Variants in RYR3 observed in about 807,000 individuals in gnomAD.
RYR3 encodes the protein brain ryanodine receptor-calcium release channel.
In RYR3, 207 loss-of-function variants were observed where a neutral mutation model predicts 584.3. That is an observed-to-expected ratio of 0.35 (90% CI 0.32 to 0.40). RYR3 has a LOEUF of 0.40. Among genes scored for constraint, RYR3 ranks in the 10% least tolerant of loss-of-function variants. RYR3 has a pLI of 1.00. For synonymous variants in RYR3, 2,416 were observed against 2,248.5 expected, an observed-to-expected ratio of 1.07 and a Z score of -2.11; for missense variants, 5,616 against 6,089.2, an observed-to-expected ratio of 0.92 and a Z score of 2.59.
rs1262972889 is a variant in RYR3 at position 33,635,749 on chromosome 15, C to T, written c.3311C>T (p.Ala1104Val). ...GGAGGAGACATGCGAGTCGGCTGGG[C>T]GAGGCCAGGCTGTCGACCTGATGTC... is the stretch of plus-strand genomic sequence containing the variant. Reference protein sequence around the residue: ...VTGGDMRVGWARPGCRPDVEL... With the variant: ...VTGGDMRVGWVRPGCRPDVEL... Residue 1104 changes from alanine to valine, a missense_variant, in exon 26 of 104, where the codon GCG (alanine) becomes GTG (valine). Physicochemically the swap from Ala to Val is moderately conservative, Grantham distance 64. Around this residue, in one of 9 missense-constraint regions of RYR3, gnomAD observed 152 missense variants for 200.9 expected, o/e 0.76. Coordinates refer to ENST00000634891, the MANE Select transcript of RYR3 (RefSeq NM_001036.6). The T allele has an allele frequency of 1.9e-6, 3 of 1,613,626 alleles. No individual in the cohort carries two copies. The highest frequency in any genetic ancestry group is 2.2e-5 in the East Asian group (1 of 44,872).
intron 45 of RYR3, among the ~76,000 whole-genome samples, chr15:33,725,675 A>G (rs1420616591): frequency 6.6e-6 from 1 of 151,972 alleles, no homozygotes; most frequent in African/African-American, 2.4e-5. Flanking sequence ...ACAGATTTCT[A>G]GAGGCCAGGC....
In RYR3 at chr15:33,639,472, T is replaced by G. The variant is rs963524712; in HGVS notation, c.3556+2922T>G. ...GCATCTCTCTTCTCTCTGTGTCAAG[T>G]GGAAAGAGGTAGCAATTCTTGCCTT... On this transcript the variant is annotated intron_variant, in intron 27 of 103. Transcript: ENST00000634891. Among the ~76,000 whole-genome samples, 10 of 152,284 alleles carry G rather than the reference T, an allele frequency of 6.6e-5. No homozygotes were observed. In the Middle Eastern group the frequency reaches 0.014, roughly 207 times the overall value.
At chr15:33,731,365 C>A (rs752208716) in intron 47 of RYR3, 109 bp from the exon 48 acceptor site, 6 of 713,838 alleles carry the variant, frequency 8.4e-6, no homozygotes, top group East Asian at 5.4e-5. Context: ...TGCTATGCAA[C>A]GTGGACATAT....
chr15:33,543,819 AGTCC>A, intron 8 of RYR3, 104 bp downstream of exon 8: 2 of 811,372 alleles, frequency 2.5e-6, no homozygotes, highest in Non-Finnish European at 4.2e-6. Context: ...TGTACATGTC[AGTCC>A]ATTGACAAAC....
At chr15:33,548,832 C>T (rs944947453) in intron 9 of RYR3, among the ~76,000 whole-genome samples, 6 of 152,132 alleles carry the variant, frequency 3.9e-5, no homozygotes, top group Admixed American at 3.9e-4. Context: ...AGAGGATTTG[C>T]AAGTTAGGCT....
chr15:33,678,601 G>T (rs911310820), intron 38 of RYR3, among the ~76,000 whole-genome samples: 1 of 152,232 alleles, frequency 6.6e-6, no homozygotes, highest in Non-Finnish European at 1.5e-5. Context: ...GGATGTTCTA[G>T]AAGGCAGTTT....
chr15:33,824,341 T>C (rs2077265729), intron 81 of RYR3, among the ~76,000 whole-genome samples: 1 of 152,174 alleles, frequency 6.6e-6, no homozygotes, highest in Non-Finnish European at 1.5e-5. Flanking sequence ...ATAAGAACAA[T>C]ATATGTTTTT....
Position 33,720,002 on chromosome 15 carries a change from T to G in RYR3, c.6620-2713T>G, listed in dbSNP as rs180716583. 1.8e-4 allele frequency among the ~76,000 whole-genome samples: 27 copies of G among 152,332 alleles called. No individual in the cohort carries two copies. The Middle Eastern group carries it at 0.01, about 58-fold the overall frequency. On this transcript the variant is annotated intron_variant, in intron 43 of 103. Transcript: ENST00000634891. ...TAAAAACTGATTGTTTTTTAGTGTGTGATACATTGGATAGAACTTGAAGAC... is the reference window on the plus strand; with the variant it reads ...TAAAAACTGATTGTTTTTTAGTGTGGGATACATTGGATAGAACTTGAAGAC...
intron 18 of RYR3, 115 bp downstream of exon 18, chr15:33,603,479 A>T: frequency 1.8e-6 from 2 of 1,113,706 alleles, no homozygotes; most frequent in Non-Finnish European, 2.6e-6. Flanking sequence ...AAGAGTCTCA[A>T]CTAATTAAAC....
intron 1 of RYR3, among the ~76,000 whole-genome samples, chr15:33,399,478 A>G (rs546679428): frequency 6.6e-6 from 1 of 152,218 alleles, no homozygotes; most frequent in East Asian, 1.9e-4. Flanking sequence ...GTCTCTATTA[A>G]GATACAAAAA....
chr15:33,834,787 A>G (rs1193758649), intron 86 of RYR3, among the ~76,000 whole-genome samples, 181 bp from the exon 87 acceptor site: 1 of 152,254 alleles, frequency 6.6e-6, no homozygotes, highest in African/African-American at 2.4e-5. Context: ...TTTCCTAGAT[A>G]TGGTATCCTA....
At chr15:33,799,411 A>C (rs1182587344) in intron 67 of RYR3, among the ~76,000 whole-genome samples, 1 of 151,770 alleles carries the variant, frequency 6.6e-6, no homozygotes, top group Non-Finnish European at 1.5e-5. Context: ...CAGGGGTTTC[A>C]CCAATCATGC....
chr15:33,502,356 C>CT (rs199820733), intron 2 of RYR3, among the ~76,000 whole-genome samples: 1,780 of 152,262 alleles, frequency 0.012, 10 homozygotes, highest in South Asian at 0.031. Context: ...TAGTAACAGA[C>CT]TTGGTTTAGC....
At chr15:33,522,428 A>G (rs1428652729) in intron 3 of RYR3, among the ~76,000 whole-genome samples, 1 of 152,042 alleles carries the variant, frequency 6.6e-6, no homozygotes, top group Non-Finnish European at 1.5e-5. Flanking sequence ...CTTAGGGGGG[A>G]AAAACCTCTT....
At chr15:33,687,408 G>C (rs1262365580) in intron 38 of RYR3, among the ~76,000 whole-genome samples, 1 of 152,140 alleles carries the variant, frequency 6.6e-6, no homozygotes, top group Non-Finnish European at 1.5e-5. Flanking sequence ...TCAATGAAAT[G>C]AAAGAGGACA....
At chr15:33,553,878 C>A (rs192153519) in intron 10 of RYR3, among the ~76,000 whole-genome samples, 1 of 152,316 alleles carries the variant, frequency 6.6e-6, no homozygotes, top group Non-Finnish European at 1.5e-5. Flanking sequence ...TCATTCAGAC[C>A]TGACTGCTGC....
At chr15:33,628,290 A>C (rs1485133859) in intron 20 of RYR3, among the ~76,000 whole-genome samples, 181 bp from the exon 21 acceptor site, 1 of 152,142 alleles carries the variant, frequency 6.6e-6, no homozygotes, top group African/African-American at 2.4e-5. Flanking sequence ...CAAGGAGCAG[A>C]GAGGAAGCCA....
At chr15:33,837,103 C>T in intron 88 of RYR3, 116 bp downstream of exon 88, 2 of 801,778 alleles carry the variant, frequency 2.5e-6, no homozygotes, top group Non-Finnish European at 3.9e-6. Context: ...TGACATTGGT[C>T]AGAAAGCCAA....
chr15:33,864,993 C>T (rs1223849272), intron 103 of RYR3, 138 bp from the exon 104 acceptor site: 1 of 624,862 alleles, frequency 1.6e-6, no homozygotes, highest in Non-Finnish European at 2.8e-6. Context: ...GGGAATAGAG[C>T]AAGAATGAAT....
Sources: gnomAD v4.1 joint callset for allele counts (sites outside exome capture counted in the v4.1 genomes callset) on GRCh38, gnomAD v4.1.1 for gene constraint, gnomAD v4.1.1 regional missense constraint, MANE v1.5 for transcripts, NCBI Gene and HGNC (gene_info 2026-07-23, HGNC 2026-07-21) for gene names.